The following NTM variants were observed in gnomAD, a reference collection of about 807,000 sequenced individuals.
NTM encodes the protein neurotrimin.
In NTM, 13 loss-of-function variants were observed where a neutral mutation model predicts 42.1. That is an observed-to-expected ratio of 0.31 (90% CI 0.20 to 0.49). The LOEUF is 0.49. NTM is among the 20% of genes least tolerant of loss of function. NTM has a pLI of 0.99. For missense variants in NTM, 373 were observed against 452.8 expected (o/e 0.82, Z 1.60); for synonymous variants, 187 against 179.2 (o/e 1.04, Z -0.35).
intron 1 of NTM, among the ~76,000 whole-genome samples, chr11:131,711,552 C>G (rs1338996676): frequency 6.6e-6 from 1 of 152,162 alleles, no homozygotes; most frequent in African/African-American, 2.4e-5. Flanking sequence ...ACTAATTCAA[C>G]CATTGTGGAA....
At chr11:131,977,876 C>CA (rs1214029338) in intron 2 of NTM, among the ~76,000 whole-genome samples, 4 of 152,252 alleles carry the variant, frequency 2.6e-5, no homozygotes, top group Non-Finnish European at 5.9e-5. Flanking sequence ...CTTTGATATG[C>CA]AAAAACAGCC....
At chr11:131,592,550 C>A (rs1044741570) in intron 1 of NTM, among the ~76,000 whole-genome samples, 1 of 146,338 alleles carries the variant, frequency 6.8e-6, no homozygotes, top group Non-Finnish European at 1.5e-5. Context: ...AAGCTAGTTT[C>A]TTTTGTCCTG....
chr11:131,570,550 C>T (rs750931141), intron 1 of NTM, among the ~76,000 whole-genome samples: 8 of 152,180 alleles, frequency 5.3e-5, no homozygotes, highest in Non-Finnish European at 7.4e-5. Context: ...CAAGGCCAGG[C>T]GCGGTGGCTC....
intron 2 of NTM, among the ~76,000 whole-genome samples, chr11:132,116,399 G>T (rs547254974): frequency 2.1e-4 from 32 of 152,314 alleles, no homozygotes; most frequent in Non-Finnish European, 4.0e-4. Flanking sequence ...CTCTTCCATT[G>T]ACCAAGACAG....
intron 1 of NTM, among the ~76,000 whole-genome samples, chr11:131,789,487 GAAGAGGAAAGAA>G (rs2090068277): frequency 1.2e-4 from 1 of 8,512 alleles, no homozygotes; most frequent in Non-Finnish European, 2.3e-4. Flanking sequence ...AGAAGAAGAA[GAAGAGGAAAGAA>G]GAAGAAGAAG....
chr11:132,266,524 G>T (rs2035382710), intron 4 of NTM, among the ~76,000 whole-genome samples: 1 of 152,206 alleles, frequency 6.6e-6, no homozygotes, highest in South Asian at 2.1e-4. Context: ...GAGCCAAATA[G>T]AAGCCACATG....
intron 1 of NTM, among the ~76,000 whole-genome samples, chr11:131,826,395 A>G (rs1767103939): frequency 1.3e-5 from 2 of 152,090 alleles, no homozygotes; most frequent in African/African-American, 4.8e-5. Context: ...AATTTTAACA[A>G]GAAGGTAGAT....
chr11:132,134,246 T>C (rs1323420155), intron 2 of NTM, among the ~76,000 whole-genome samples: 1 of 152,182 alleles, frequency 6.6e-6, no homozygotes, highest in Admixed American at 6.5e-5. Flanking sequence ...TTGGATACCT[T>C]TTTCTTCCTA....
intron 3 of NTM, among the ~76,000 whole-genome samples, chr11:132,172,016 C>G (rs2076185483): frequency 6.6e-6 from 1 of 152,188 alleles, no homozygotes; most frequent in Non-Finnish European, 1.5e-5. Flanking sequence ...CTCATTCAGA[C>G]AGCTTGATAG....
chr11:131,575,632 T>A (rs1362651637), intron 1 of NTM, among the ~76,000 whole-genome samples: 3 of 152,232 alleles, frequency 2.0e-5, no homozygotes, highest in Admixed American at 1.3e-4. Flanking sequence ...AGCCTGATCT[T>A]TCTACTTTCA....
rs551040735 is a variant in NTM at position 131,629,359 on chromosome 11, A to G, written c.82+258471A>G. ...GGAGTCAGGCTTTGACCTGAGCCCA[A>G]AGAAGCTGTCCTGTACCCACCCACC... On this transcript the variant is annotated intron_variant, in intron 1 of 8. Transcript: ENST00000683400. Among the ~76,000 whole-genome samples the G allele has an allele frequency of 9.2e-5, 14 of 152,308 alleles. No homozygotes were observed. The South Asian group carries it at 2.5e-3, about 27-fold the overall frequency.
chr11:132,060,489 G>T (rs182239506), intron 2 of NTM, among the ~76,000 whole-genome samples: 1 of 152,306 alleles, frequency 6.6e-6, no homozygotes, highest in East Asian at 1.9e-4. Flanking sequence ...TGGAATATTG[G>T]AACTGCTGTC....
Position 132,003,158 on chromosome 11 carries a change from G to T in NTM, c.167+91510G>T, listed in dbSNP as rs2069745441. On this transcript the variant is annotated intron_variant, in intron 2 of 8. Coordinates refer to ENST00000683400, the MANE Select transcript of NTM (RefSeq NM_001352005.2). This position sits in a 1 kb window ranked among gnomAD's most constrained non-coding sequence, Gnocchi z 6.0. ...TTCACCCTAATGCTAGCCCGGTTCT[G>T]AGCCAGAGTTATTTCGCTCTGCCAG... Among the ~76,000 whole-genome samples the T allele has an allele frequency of 6.6e-6, 1 of 151,960 alleles. No homozygotes were observed. Among genetic ancestry groups the T allele is most frequent in the Non-Finnish European group, 1.5e-5 (1 of 68,036 alleles).
intron 3 of NTM, among the ~76,000 whole-genome samples, chr11:132,194,351 A>T (rs1206610929): frequency 2.0e-5 from 3 of 151,872 alleles, no homozygotes; most frequent in East Asian, 1.9e-4. Context: ...AAATAGAATT[A>T]AAAAAAACAA....
chr11:132,044,475 A>G (rs917861889), intron 2 of NTM, among the ~76,000 whole-genome samples: 2 of 152,192 alleles, frequency 1.3e-5, no homozygotes, highest in Admixed American at 1.3e-4. Context: ...TGTCTGTTCA[A>G]GAGGAGGACC....
chr11:131,455,610 A>T (rs1243688947), intron 1 of NTM: 1 of 152,194 alleles, frequency 6.6e-6, no homozygotes, highest in Admixed American at 6.5e-5. Context: ...TCAAATAGAG[A>T]TTTGCTAAAG....
At chr11:131,526,913 C>T (rs548957126) in intron 1 of NTM, among the ~76,000 whole-genome samples, 2 of 152,320 alleles carry the variant, frequency 1.3e-5, no homozygotes, top group South Asian at 2.1e-4. Flanking sequence ...AAAGACCCTT[C>T]GATTTTTGAA....
At chr11:132,161,617 T>C (rs1414349545) in intron 3 of NTM, among the ~76,000 whole-genome samples, 1 of 151,876 alleles carries the variant, frequency 6.6e-6, no homozygotes, top group Non-Finnish European at 1.5e-5. Flanking sequence ...CCCACAGTCT[T>C]CCTCCCCCCA....
chr11:131,745,270 A>G (rs2081669961), intron 1 of NTM, among the ~76,000 whole-genome samples: 1 of 152,206 alleles, frequency 6.6e-6, no homozygotes. Context: ...TCCCCTACAC[A>G]GGGAATGAGG....
Sources: gnomAD v4.1 joint callset for allele counts (sites outside exome capture counted in the v4.1 genomes callset) on GRCh38, gnomAD v4.1.1 for gene constraint, Gnocchi (gnomAD v3.1) non-coding constraint, MANE v1.5 for transcripts, NCBI Gene and HGNC (gene_info 2026-07-23, HGNC 2026-07-21) for gene names.